Variants in CACNA1F observed in about 807,000 individuals in gnomAD.
The protein encoded by CACNA1F is calcium voltage-gated channel subunit alpha1 F.
CACNA1F carries 59 observed loss-of-function variants against 143.8 expected under a neutral mutation model. The ratio of observed to expected loss-of-function variants is 0.41; its 90% CI spans 0.33 to 0.51. The LOEUF (loss-of-function observed/expected upper bound fraction) is 0.51. CACNA1F is among the 20% of genes least tolerant of loss of function. CACNA1F has a pLI of 0.22. For missense variants in CACNA1F, 1,411 were observed against 1,647.5 expected (o/e 0.86, Z 2.48); for synonymous variants, 643 against 649.1 (o/e 0.99, Z 0.14).
At chrX:49,229,606 G>A (rs1334081309) in intron 6 of CACNA1F, among the ~76,000 whole-genome samples, 1 of 104,835 alleles carries the variant, frequency 9.5e-6, no homozygotes, top group Non-Finnish European at 2.0e-5. Flanking sequence ...AAGCCAAGGC[G>A]CAGAGTTTTT....
intron 40 of CACNA1F, 75 bp downstream of exon 40, chrX:49,209,866 C>T (rs1444500406): frequency 2.6e-6 from 3 of 1,153,108 alleles, no homozygotes; most frequent in South Asian, 1.8e-5. Context: ...CTCTGCCCAG[C>T]GCTGGTTTTG....
In CACNA1F at chrX:49,227,034, G is replaced by A; in HGVS notation, c.1212C>T (p.Tyr404=). The A allele has an allele frequency of 2.5e-6, 3 of 1,210,549 alleles. No individual in the cohort carries two copies. Among genetic ancestry groups the A allele is most frequent in the South Asian group, 1.8e-5 (1 of 56,751 alleles). ...CTTCGGCTTGAGTGATCCAGTCCAG[G>A]TAGCCCCGCAGGTCTTCCTCCATCT... ...KQQMEEDLRG[Y]LDWITQAEEL... The change falls in exon 9 of 48, where the codon TAC becomes TAT. Residue 404 remains tyrosine, a synonymous_variant. Transcript: ENST00000323022.
At chrX:49,211,816 C>T (rs1406484679) in intron 35 of CACNA1F, 82 bp downstream of exon 35, 13 of 771,651 alleles carry the variant, frequency 1.7e-5, no homozygotes, top group Non-Finnish European at 2.2e-5. Context: ...ATATTATTCC[C>T]ATAGCTCAAG....
At position 49,205,179 on chromosome X, in the gene CACNA1F, C is replaced by T; in HGVS notation, c.5859G>A (p.Glu1953=). The stretch of plus-strand genomic sequence containing the variant: ...AGGCCATCTCGTCTCCCAAGTCCTC[C>T]TCATCGAAGCGGGAGAGGATGGACT... ...DEESILSRFD[E]EDLGDEMACV... Residue 1953 remains glutamate (E), a synonymous_variant, in exon 48 of 48, where the codon GAG becomes GAA. Coordinates refer to ENST00000323022, the MANE Select transcript of CACNA1F (RefSeq NM_001256789.3). 2 of 1,211,147 alleles carry T rather than the reference C, an allele frequency of 1.7e-6. No individual in the cohort carries two copies. The highest frequency in any genetic ancestry group is 1.1e-6 in the Non-Finnish European group (1 of 894,986).
chrX:49,218,988 G>A, intron 21 of CACNA1F, 47 bp from the exon 22 acceptor site: 2 of 1,048,655 alleles, frequency 1.9e-6, no homozygotes, highest in Non-Finnish European at 2.7e-6. Flanking sequence ...CGGCTGAGGG[G>A]GATCCTAGGT....
chrX:49,208,197 CAAA>C (rs1182146690), intron 43 of CACNA1F, among the ~76,000 whole-genome samples: 9 of 47,389 alleles, frequency 1.9e-4, no homozygotes, highest in East Asian at 7.2e-4. Context: ...GACTCTGTCT[CAAA>C]AAAAAAAAAA....
At chrX:49,228,561 CTCTT>C (rs1210572516) in intron 6 of CACNA1F, 114 bp from the exon 7 acceptor site, 53 of 578,840 alleles carry the variant, frequency 9.2e-5, no homozygotes, top group South Asian at 1.3e-4. Context: ...TTCTCTTTCT[CTCTT>C]TCTTTCTTTC....
intron 6 of CACNA1F, among the ~76,000 whole-genome samples, 186 bp from the exon 7 acceptor site, chrX:49,228,633 C>T (rs781996337): frequency 4.5e-4 from 50 of 112,345 alleles, no homozygotes; most frequent in South Asian, 1.1e-3. Flanking sequence ...GGCACGATCT[C>T]GGCTCACCAC....
chrX:49,226,945 G>C, intron 9 of CACNA1F, 25 bp downstream of exon 9: 2 of 1,211,172 alleles, frequency 1.7e-6, no homozygotes, highest in African/African-American at 1.7e-5. Flanking sequence ...ACGATGGCCC[G>C]CCCGGCCCTC....
chrX:49,226,583 C>T (rs1480629542), intron 10 of CACNA1F, 27 bp downstream of exon 10: 2 of 1,163,921 alleles, frequency 1.7e-6, no homozygotes, highest in African/African-American at 3.6e-5. Context: ...CCTACCCACC[C>T]CCACCCCAGC....
rs112450928 is a variant in CACNA1F, at chrX:49,219,765, T to TTCCTCC, written c.2406_2411dup (p.Glu813_Glu814dup). On this transcript the variant is annotated inframe_insertion, in exon 20 of 48. Transcript: ENST00000323022. ...CCTCTTCTTCCTCTTCTTCCTCTTC[T>TTCCTCC]TCCTCCTCCTCCTCCTCCTCCATGT... The TTCCTCC allele has an allele frequency of 2.3e-5, 26 of 1,106,463 alleles. No individual in the cohort carries two copies. In the African/African-American group the frequency reaches 3.3e-4, roughly 14 times the overall value. 91.2% of individuals were successfully genotyped at this position (1,106,463 alleles called of 1,213,427 possible). A position where few individuals can be genotyped will look rare whatever the true frequency, so the allele number is the denominator to read the frequency against.
intron 46 of CACNA1F, 108 bp from the exon 47 acceptor site, chrX:49,205,921 A>C: frequency 1.5e-6 from 1 of 683,116 alleles, no homozygotes; most frequent in Non-Finnish European, 2.3e-6. Flanking sequence ...CTGGAGTGAA[A>C]TTGAATGGGT....
rs112130833 is a variant in CACNA1F, at chrX:49,230,811, G to A, written c.521+39C>T. ...CAGAATTCAGCGGGCCTGACGGTAGGAAGGCGACTAGGGTGGGGTGCCTCC... is the reference window on the plus strand; with the variant it reads ...CAGAATTCAGCGGGCCTGACGGTAGAAAGGCGACTAGGGTGGGGTGCCTCC... On this transcript the variant is annotated intron_variant, in intron 4 of 47. Transcript: ENST00000323022. The A allele has an allele frequency of 1.0e-2, 11,601 of 1,160,125 alleles. 695 individuals carry two copies. The African/African-American group carries it at 0.17, about 17-fold the overall frequency.
chrX:49,208,662 G>A lies in CACNA1F; in HGVS notation c.4976C>T (p.Ser1659Leu), dbSNP rs1557105493. ...TNKATMVSQP[S>L]ARRGSGISVS... ...AGAAATCCCGGAGCCCCGGCGAGCT[G>A]AGGGCTGGGAGACCATCGTGGCCTG... The change falls in exon 43 of 48, where the codon TCA becomes TTA. Residue 1659 changes from serine (S) to leucine (L), a missense_variant. Around this residue, in one of 3 missense-constraint regions of CACNA1F, gnomAD observed 349 missense variants for 350.2 expected, o/e 1.00. Coordinates refer to ENST00000323022, the MANE Select transcript of CACNA1F (RefSeq NM_001256789.3). 2 of 1,210,961 alleles carry A rather than the reference G, an allele frequency of 1.7e-6. No homozygotes were observed. Among genetic ancestry groups the A allele is most frequent in the Middle Eastern group, 2.3e-4 (1 of 4,311 alleles).
At chrX:49,230,438 C>T in intron 5 of CACNA1F, 29 bp downstream of exon 5, 1 of 1,208,117 alleles carries the variant, frequency 8.3e-7, no homozygotes, top group Non-Finnish European at 1.1e-6. Flanking sequence ...CCACCCTCCA[C>T]CTCCGACCTC....
chrX:49,208,413 C>G, intron 43 of CACNA1F, 102 bp downstream of exon 43: 1 of 317,254 alleles, frequency 3.2e-6, no homozygotes. Context: ...GCCTCTAGGC[C>G]CTCCCTCCCA....
At chrX:49,215,736 A>G (rs1222022517) in intron 27 of CACNA1F, among the ~76,000 whole-genome samples, 193 bp from the exon 28 acceptor site, 2 of 109,371 alleles carry the variant, frequency 1.8e-5, no homozygotes, top group Non-Finnish European at 3.8e-5. Flanking sequence ...CAGGCCCTCA[A>G]AGAGTCCAAA....
In CACNA1F at chrX:49,216,391, C is replaced by A; in HGVS notation, c.3227G>T (p.Gly1076Val). 1 of 1,211,092 alleles carries A rather than the reference C, an allele frequency of 8.3e-7. No individual in the cohort carries two copies. Among genetic ancestry groups the A allele is most frequent in the Non-Finnish European group, 1.1e-6 (1 of 894,826 alleles). ...MALFTVSTFE[G>V]WPALLYKAID... is the part of the protein sequence containing the mutation. ...GGGCCCTGTCCCTCACGCAGGCCAG[C>A]CTTCAAAGGTGGAGACAGTGAACAG... is the stretch of plus-strand genomic sequence containing the variant. The change falls in exon 27 of 48, where the codon GGC (glycine) becomes GTC (valine). Residue 1076 changes from glycine to valine, a missense_variant. By Grantham distance (109) the Gly-to-Val change is moderately radical. Transcript: ENST00000323022.
Position 49,207,098 on chromosome X carries a change from G to A in CACNA1F, c.5138C>T (p.Ala1713Val). ...TTCTTCTGGGATGGTGAAAATGAGA[G>A]CCCCAGAGCCTCTCCTGGGGAAAGG... Reference protein sequence around the residue: ...GSNTHRRGSGALIFTIPEEGN... With the variant: ...GSNTHRRGSGVLIFTIPEEGN... Residue 1713 changes from alanine (A) to valine (V), a missense_variant, in exon 44 of 48, where the codon GCT becomes GTT. Ala to Val is a moderately conservative substitution (Grantham distance 64). This residue lies in a region of CACNA1F where 349 missense variants were observed against 350.2 expected (regional missense o/e 1.00). Transcript: ENST00000323022. The A allele has an allele frequency of 8.5e-7, 1 of 1,179,219 alleles. No homozygotes were observed. The highest frequency in any genetic ancestry group is 1.1e-6 in the Non-Finnish European group (1 of 872,048).
Sources: gnomAD v4.1 joint callset for allele counts (sites outside exome capture counted in the v4.1 genomes callset) on GRCh38, gnomAD v4.1.1 for gene constraint, gnomAD v4.1.1 regional missense constraint, MANE v1.5 for transcripts, NCBI Gene and HGNC (gene_info 2026-07-23, HGNC 2026-07-21) for gene names.